Variants in HYOU1 observed in about 807,000 individuals in gnomAD.
HYOU1 encodes the protein hypoxia up-regulated protein 1.
In HYOU1, 40 loss-of-function variants were observed where a neutral mutation model predicts 120.5. The ratio of observed to expected loss-of-function variants is 0.33; its 90% CI spans 0.26 to 0.43. HYOU1 has a LOEUF of 0.43. Among genes scored for constraint, HYOU1 ranks in the 20% least tolerant of loss-of-function variants. The probability of loss-of-function intolerance (pLI) is 1.00; values close to 1 mark genes in which losing one functional copy is unlikely to be tolerated. For missense variants in HYOU1, 1,085 were observed against 1,278.3 expected, an observed-to-expected ratio of 0.85 and a Z score of 2.31; for synonymous variants, 501 against 479.4, an observed-to-expected ratio of 1.05 and a Z score of -0.59.
Position 119,051,775 on chromosome 11 carries a change from A to C in HYOU1, c.1338+44T>G. 1.2e-6 allele frequency: 2 copies of C among 1,609,988 alleles called. No homozygotes were observed. Among genetic ancestry groups the C allele is most frequent in the Non-Finnish European group, 1.7e-6 (2 of 1,176,542 alleles). ...GACAGAAGGGGAAACCCTACTTGGG[A>C]GAGGTAAAGGGAGCTTGTCACCTGC... On this transcript the variant is annotated intron_variant, in intron 12 of 25. Coordinates refer to ENST00000617285, the MANE Select transcript of HYOU1 (RefSeq NM_006389.5). This position sits in a 1 kb window ranked among gnomAD's most constrained non-coding sequence, Gnocchi z 4.2.
chr11:119,055,420 A>G lies in HYOU1; in HGVS notation c.264+73T>C. On this transcript the variant is annotated intron_variant, in intron 4 of 25. Coordinates refer to ENST00000617285, the MANE Select transcript of HYOU1 (RefSeq NM_006389.5). This position sits in a 1 kb window ranked among gnomAD's most constrained non-coding sequence, Gnocchi z 4.0. ...ACCTCTTACATCACAGAGACTGATA[A>G]GGAAACAGACTCTGGGGGCTGCCAT... is the stretch of plus-strand genomic sequence containing the variant. The G allele has an allele frequency of 1.2e-6, 2 of 1,602,622 alleles. No individual in the cohort carries two copies. Among genetic ancestry groups the G allele is most frequent in the Non-Finnish European group, 1.7e-6 (2 of 1,169,986 alleles).
Position 119,052,134 on chromosome 11 carries a change from A to G in HYOU1, c.1161T>C (p.Thr387=). The G allele has an allele frequency of 6.2e-7, 1 of 1,614,136 alleles. No homozygotes were observed. The highest frequency in any genetic ancestry group is 8.5e-7 in the Non-Finnish European group (1 of 1,180,010). The stretch of plus-strand genomic sequence containing the variant: ...GCACCTCCTGAACTCTGGGGACCCG[A>G]GTGGCCCCACCCACCAGGATCACCT... The part of the protein sequence containing the change: ...IEQVILVGGA[T]RVPRVQEVLL... Residue 387 remains threonine, a synonymous_variant, in exon 11 of 26, where the codon ACT becomes ACC. Transcript: ENST00000617285. The surrounding 1 kb of genome is among the most constrained non-coding windows in gnomAD (Gnocchi z 5.0).
At chr11:119,049,894 A>C (rs1944320604) in intron 14 of HYOU1, 57 bp from the exon 15 acceptor site, 3 of 1,499,834 alleles carry the variant, frequency 2.0e-6, no homozygotes, top group Non-Finnish European at 2.8e-6. Flanking sequence ...TTCTCCACAA[A>C]CATCTGCCAA....
chr11:119,047,505 TTC>T (rs1256587814), intron 22 of HYOU1: 1 of 496,220 alleles, frequency 2.0e-6, no homozygotes, highest in African/African-American at 1.9e-5. Context: ...CAAAGCAGCT[TTC>T]TCTGTCCTCA....
chr11:119,052,299 C>T lies in HYOU1; in HGVS notation c.1118G>A (p.Ser373Asn). 6.2e-7 allele frequency: 1 copy of T among 1,614,254 alleles called. No homozygotes were observed. The highest frequency in any genetic ancestry group is 1.3e-5 in the African/African-American group (1 of 75,074). Residue 373 changes from serine (S) to asparagine (N), a missense_variant, in exon 10 of 26, where the codon AGT (serine) becomes AAT (asparagine). This residue lies in a region of HYOU1 where 515 missense variants were observed against 677.8 expected (regional missense o/e 0.76). Transcript: ENST00000617285. The surrounding 1 kb of genome is among the most constrained non-coding windows in gnomAD (Gnocchi z 5.0). ...VQQALQSAEM[S>N]LDEIEQVILV... Reference sequence around the variant, plus strand: ...CGCCTTCCCCTACTCGCTCACCAGACTCATTTCGGCACTCTGGAGGGCCTG... The same window carrying T: ...CGCCTTCCCCTACTCGCTCACCAGATTCATTTCGGCACTCTGGAGGGCCTG...
chr11:119,045,871 G>A (rs1944035030), intron 24 of HYOU1, 40 bp from the exon 25 acceptor site: 1 of 1,605,280 alleles, frequency 6.2e-7, no homozygotes. Context: ...TCAGAAGGGA[G>A]GAAGAGGCTA....
intron 7 of HYOU1, 99 bp from the exon 8 acceptor site, chr11:119,054,335 C>T (rs1428811307): frequency 1.6e-6 from 2 of 1,231,820 alleles, no homozygotes; most frequent in African/African-American, 1.5e-5. Flanking sequence ...TGACTCTTAA[C>T]ACAAAACTAA....
intron 16 of HYOU1, 97 bp downstream of exon 16, chr11:119,049,458 CA>C: frequency 1.3e-6 from 2 of 1,555,398 alleles, no homozygotes; most frequent in Non-Finnish European, 1.8e-6. Flanking sequence ...GTTAACACAA[CA>C]GGGGCAGGGG....
rs2133555371 is a variant in HYOU1 at position 119,047,150 on chromosome 11, G to C, written c.2596-348C>G. ...ACTCACTGCAACCTCCGACTCCTGG[G>C]TTCAAAAGATTCTCCTGCCTCAGCC... On this transcript the variant is annotated intron_variant, in intron 22 of 25. Transcript: ENST00000617285. 6 of 217,084 alleles carry C rather than the reference G, an allele frequency of 2.8e-5. No individual in the cohort carries two copies. The East Asian group carries it at 7.3e-4, about 26-fold the overall frequency. The allele number at this position is 217,084 out of a possible 1,614,324, so 13.4% of individuals were successfully genotyped here.
At position 119,057,202 on chromosome 11, in the gene HYOU1, C is replaced by A; in HGVS notation, c.-190G>T. 1 of 151,280 alleles carries A rather than the reference C, an allele frequency of 6.6e-6. No homozygotes were observed. Among genetic ancestry groups the A allele is most frequent in the South Asian group, 2.0e-4 (1 of 4,948 alleles). The allele number at this position is 151,280 out of a possible 1,614,324, so 9.4% of individuals were successfully genotyped here. ...GCCGGCCCCGGACGCGGCGCGCGCTCATTGGAGCCTCGGCCGCCCGGCCCT... is the reference window on the plus strand; with the variant it reads ...GCCGGCCCCGGACGCGGCGCGCGCTAATTGGAGCCTCGGCCGCCCGGCCCT... On this transcript the variant is annotated 5_prime_UTR_variant, in exon 1 of 26. An upstream start codon of the reference 5' UTR is lost. Coordinates refer to ENST00000617285, the MANE Select transcript of HYOU1 (RefSeq NM_006389.5).
rs1943970343 is a variant in HYOU1 at position 119,044,713 on chromosome 11, T to C, written c.*880A>G. ...CAGGGGGTGAGGGAAAGGCTCTGTC[T>C]GGGAGGAGCAGAACAGCAGAAGAGA... On this transcript the variant is annotated 3_prime_UTR_variant, in exon 26 of 26. Coordinates refer to ENST00000617285, the MANE Select transcript of HYOU1 (RefSeq NM_006389.5). The C allele has an allele frequency of 5.5e-6, 1 of 180,800 alleles. No individual in the cohort carries two copies. The highest frequency in any genetic ancestry group is 2.3e-5 in the African/African-American group (1 of 42,746). The allele number at this position is 180,800 out of a possible 1,614,324, so 11.2% of individuals were successfully genotyped here. A position where few individuals can be genotyped will look rare whatever the true frequency, so the allele number is the denominator to read the frequency against.
At chr11:119,056,045 T>A in intron 2 of HYOU1, 25 bp downstream of exon 2, 1 of 1,595,334 alleles carries the variant, frequency 6.3e-7, no homozygotes, top group Non-Finnish European at 8.6e-7. Flanking sequence ...ATTTATCCAT[T>A]TGCTCCCTCT....
In HYOU1 at chr11:119,052,393, T is replaced by C. The variant is rs2133592544; in HGVS notation, c.1024A>G (p.Lys342Glu). 3 of 1,614,106 alleles carry C rather than the reference T, an allele frequency of 1.9e-6. No homozygotes were observed. The highest frequency in any genetic ancestry group is 2.7e-5 in the African/African-American group (2 of 74,944). ...TCCTCAAATTCCACACGAGTCACTT[T>C]TGCCTTGAAGTCCACATCATCCATC... ...GLMDDVDFKAKVTRVEFEELC... is the reference protein window; with the variant it reads ...GLMDDVDFKAEVTRVEFEELC... The change falls in exon 10 of 26, where the codon AAA (lysine) becomes GAA (glutamate). Residue 342 changes from lysine to glutamate, a missense_variant. By Grantham distance (56) the Lys-to-Glu change is moderately conservative (BLOSUM62 1). This residue lies in a region of HYOU1 where 515 missense variants were observed against 677.8 expected (regional missense o/e 0.76). Coordinates refer to ENST00000617285, the MANE Select transcript of HYOU1 (RefSeq NM_006389.5). This position sits in a 1 kb window ranked among gnomAD's most constrained non-coding sequence, Gnocchi z 5.0.
chr11:119,054,371 G>T, intron 7 of HYOU1, 123 bp downstream of exon 7: 1 of 1,198,848 alleles, frequency 8.3e-7, no homozygotes, highest in Non-Finnish European at 1.2e-6. Context: ...GCTGGGAGGA[G>T]GCTATTGGTG....
At chr11:119,056,701 C>G in intron 1 of HYOU1, 1 of 271,528 alleles carries the variant, frequency 3.7e-6, no homozygotes, top group East Asian at 1.0e-4. Context: ...CTCCCCTTTC[C>G]CAGCTCACTC....
chr11:119,051,654 G>A lies in HYOU1; in HGVS notation c.1339-29C>T, dbSNP rs1944447578. 3.1e-6 allele frequency: 5 copies of A among 1,613,226 alleles called. No homozygotes were observed. The East Asian group carries it at 8.9e-5, about 29-fold the overall frequency. ...CACAGCAGGCAGACAGAGGCACACT[G>A]TTGCACACTAGAGAACCCGAGTAGG... On this transcript the variant is annotated intron_variant, in intron 12 of 25. Transcript: ENST00000617285. This position sits in a 1 kb window ranked among gnomAD's most constrained non-coding sequence, Gnocchi z 4.2.
chr11:119,047,878 TG>T (rs1370413549), intron 21 of HYOU1, 60 bp from the exon 22 acceptor site: 58 of 1,611,796 alleles, frequency 3.6e-5, no homozygotes, highest in Non-Finnish European at 4.6e-5. Context: ...GTGTGGGGAG[TG>T]GGAAGCTGGT....
chr11:119,055,927 A>G lies in HYOU1; in HGVS notation c.92-84T>C. Reference sequence around the variant, plus strand: ...CTCTAATCAAAGCATACCACTTTCCATGGGTAAACGAAGATGGCAAAAGAC... The same window carrying G: ...CTCTAATCAAAGCATACCACTTTCCGTGGGTAAACGAAGATGGCAAAAGAC... On this transcript the variant is annotated intron_variant, in intron 2 of 25. Coordinates refer to ENST00000617285, the MANE Select transcript of HYOU1 (RefSeq NM_006389.5). The surrounding 1 kb of genome is among the most constrained non-coding windows in gnomAD (Gnocchi z 4.0). The G allele has an allele frequency of 2.1e-6, 3 of 1,409,812 alleles. No homozygotes were observed. The highest frequency in any genetic ancestry group is 3.4e-5 in the Admixed American group (2 of 58,858). The allele number at this position is 1,409,812 out of a possible 1,614,324, so 87.3% of individuals were successfully genotyped here. A position where few individuals can be genotyped will look rare whatever the true frequency, so the allele number is the denominator to read the frequency against.
intron 14 of HYOU1, 122 bp from the exon 15 acceptor site, chr11:119,049,959 G>A (rs1944325565): frequency 1.1e-6 from 1 of 886,346 alleles, no homozygotes; most frequent in Non-Finnish European, 1.9e-6. Context: ...TCTCTCACCT[G>A]CCTTTTCTAA....
Sources: allele counts gnomAD v4.1 joint callset, GRCh38; gene constraint gnomAD v4.1.1; regional missense constraint gnomAD v4.1.1; non-coding constraint Gnocchi (gnomAD v3.1); transcripts MANE v1.5; gene names NCBI Gene and HGNC (gene_info 2026-07-23, HGNC 2026-07-21).